The following FAF1 variants were observed in gnomAD, a reference collection of about 807,000 sequenced individuals.
The protein encoded by FAF1 is Fas associated factor 1.
A neutral mutation model predicts 92.5 loss-of-function variants in FAF1; 25 were observed. The ratio of observed to expected loss-of-function variants is 0.27; its 90% CI spans 0.20 to 0.38. FAF1 has a LOEUF of 0.38. Among genes scored for constraint, FAF1 ranks in the 10% least tolerant of loss-of-function variants. The pLI is 1.00. For missense variants in FAF1, 636 were observed against 793.3 expected (o/e 0.80, Z 2.38); for synonymous variants, 234 against 273.2 (o/e 0.86, Z 1.42).
intron 1 of FAF1, among the ~76,000 whole-genome samples, chr1:50,890,752 C>A (rs550637695): frequency 7.7e-4 from 117 of 152,252 alleles, no homozygotes; most frequent in Admixed American, 1.8e-3. Context: ...GATGGGCTTC[C>A]CTTTGTTGGT....
chr1:50,817,949 CTA>C (rs1470923669), intron 2 of FAF1, among the ~76,000 whole-genome samples: 1 of 152,076 alleles, frequency 6.6e-6, no homozygotes, highest in Admixed American at 6.6e-5. Flanking sequence ...AAGGTAAATA[CTA>C]TATGATTCCA....
intron 1 of FAF1, among the ~76,000 whole-genome samples, chr1:50,928,792 A>AAAAAAAAAAAAAAAC (rs1476028768): frequency 6.9e-6 from 1 of 145,012 alleles, no homozygotes; most frequent in Non-Finnish European, 1.5e-5. Flanking sequence ...CAAAAAAAAA[A>AAAAAAAAAAAAAAAC]AAAAAAAAAA....
At chr1:50,813,026 T>C (rs936576912) in intron 2 of FAF1, among the ~76,000 whole-genome samples, 1 of 152,114 alleles carries the variant, frequency 6.6e-6, no homozygotes, top group Admixed American at 6.6e-5. Context: ...CTCAGTTACA[T>C]AGATACAAAG....
At chr1:50,639,933 CA>C (rs1197342810) in intron 8 of FAF1, among the ~76,000 whole-genome samples, 1,414 of 70,140 alleles carry the variant, frequency 0.02, 13 homozygotes, top group African/African-American at 0.055. Context: ...GACTCGATCT[CA>C]AAAAAAAAAA....
chr1:50,744,236 A>C (rs1659502357), intron 5 of FAF1, among the ~76,000 whole-genome samples: 1 of 152,228 alleles, frequency 6.6e-6, no homozygotes. Context: ...ATCCTTATTT[A>C]AATTCTCCAA....
intron 18 of FAF1, among the ~76,000 whole-genome samples, chr1:50,470,162 A>G (rs781177411): frequency 6.6e-6 from 1 of 152,214 alleles, no homozygotes; most frequent in Non-Finnish European, 1.5e-5. Flanking sequence ...TTTGTAGTAC[A>G]AAATATTTTA....
intron 7 of FAF1, among the ~76,000 whole-genome samples, chr1:50,671,568 T>C (rs1655880525): frequency 6.6e-6 from 1 of 152,110 alleles, no homozygotes; most frequent in African/African-American, 2.4e-5. Flanking sequence ...CCTGGCAGTT[T>C]TTTATTTAAG....
chr1:50,807,547 C>T (rs554760417), intron 2 of FAF1, among the ~76,000 whole-genome samples: 31 of 152,244 alleles, frequency 2.0e-4, no homozygotes, highest in African/African-American at 7.2e-4. Flanking sequence ...CAATCACCTC[C>T]CACCAGGTCC....
chr1:50,612,299 A>C, intron 8 of FAF1: 1 of 1,112,774 alleles, frequency 9.0e-7, no homozygotes, highest in Admixed American at 3.0e-5. Flanking sequence ...ATCAAGACGA[A>C]ATCTTCAGTT....
chr1:50,474,068 G>A (rs1646607738), intron 18 of FAF1, among the ~76,000 whole-genome samples: 1 of 152,202 alleles, frequency 6.6e-6, no homozygotes, highest in South Asian at 2.1e-4. Flanking sequence ...AATCTCCAAT[G>A]ATAGGAAAAT....
intron 13 of FAF1, among the ~76,000 whole-genome samples, chr1:50,540,699 T>C (rs1648718032): frequency 1.3e-5 from 2 of 152,208 alleles, no homozygotes; most frequent in Admixed American, 6.5e-5. Context: ...TAGCTTATGA[T>C]ATGTTTTCAG....
chr1:50,670,221 A>C (rs2124336945), intron 7 of FAF1, among the ~76,000 whole-genome samples: 2 of 151,996 alleles, frequency 1.3e-5, no homozygotes, highest in East Asian at 1.9e-4. Flanking sequence ...GGGGAGGGAC[A>C]GAGTATCACC....
chr1:50,721,418 T>A (rs975871831), intron 6 of FAF1, among the ~76,000 whole-genome samples: 2 of 152,016 alleles, frequency 1.3e-5, no homozygotes, highest in African/African-American at 2.4e-5. Context: ...TTTCACCATA[T>A]TGGCCAGGAT....
intron 4 of FAF1, among the ~76,000 whole-genome samples, chr1:50,750,608 A>G (rs559578176): frequency 1.1e-3 from 167 of 147,076 alleles, no homozygotes; most frequent in African/African-American, 3.7e-3. Flanking sequence ...TTCGAGATTT[A>G]TCCTTTTTCT....
At chr1:50,656,511 A>G (rs1029502241) in intron 7 of FAF1, among the ~76,000 whole-genome samples, 1 of 152,214 alleles carries the variant, frequency 6.6e-6, no homozygotes, top group Non-Finnish European at 1.5e-5. Context: ...GCAACATTAT[A>G]CCTTTTACTT....
At chr1:50,562,751 T>G (rs1157907964) in intron 13 of FAF1, among the ~76,000 whole-genome samples, 1 of 152,234 alleles carries the variant, frequency 6.6e-6, no homozygotes, top group Admixed American at 6.5e-5. Context: ...TTGTTCCACC[T>G]TTCATTCTCA....
At chr1:50,735,680 G>A (rs757349933) in intron 6 of FAF1, among the ~76,000 whole-genome samples, 10 of 152,116 alleles carry the variant, frequency 6.6e-5, no homozygotes, top group Non-Finnish European at 1.5e-4. Flanking sequence ...TTAAGAGTGA[G>A]ACGGTTTGTC....
At chr1:50,751,073 TAAAC>T (rs1048866049) in intron 4 of FAF1, among the ~76,000 whole-genome samples, 2 of 142,098 alleles carry the variant, frequency 1.4e-5, no homozygotes, top group African/African-American at 5.2e-5. Context: ...TATAAGCTGT[TAAAC>T]AAGCTGTACA....
At chr1:50,831,239 TCCAGCAGCACTTAAGAA>T (rs1644150060) in intron 2 of FAF1, among the ~76,000 whole-genome samples, 1 of 152,212 alleles carries the variant, frequency 6.6e-6, no homozygotes, top group Admixed American at 6.5e-5. Flanking sequence ...CACTCCGTGA[TCCAGCAGCACTTAAGAA>T]CCTATGACTT....
Sources: gnomAD v4.1 joint callset for allele counts (sites outside exome capture counted in the v4.1 genomes callset) on GRCh38, gnomAD v4.1.1 for gene constraint, MANE v1.5 for transcripts, NCBI Gene and HGNC (gene_info 2026-07-23, HGNC 2026-07-21) for gene names.